PSG2: variants seen among roughly 807,000 people sequenced by gnomAD.
PSG2 encodes pregnancy-specific beta-1-glycoprotein 2.
Under a neutral mutation model 36.2 loss-of-function variants are expected in PSG2, and 49 were observed. The ratio of observed to expected loss-of-function variants is 1.35; its 90% CI spans 1.08 to 1.72. PSG2 has a LOEUF of 1.72. Ranked by LOEUF, PSG2 falls within the 40% of genes most tolerant of loss-of-function variation. The probability of loss-of-function intolerance (pLI) is 0.00; values close to 1 mark genes in which losing one functional copy is unlikely to be tolerated. For missense variants in PSG2, 605 were observed against 407.2 expected, an observed-to-expected ratio of 1.49 and a Z score of -4.18; for synonymous variants, 261 against 155.6, an observed-to-expected ratio of 1.68 and a Z score of -5.04.
intron 4 of PSG2, among the ~76,000 whole-genome samples, chr19:43,070,864 C>G (rs949486247): frequency 6.6e-6 from 1 of 151,580 alleles, no homozygotes; most frequent in Admixed American, 6.6e-5. Context: ...TAGTCTTACC[C>G]TCTCTATAAT....
At chr19:43,076,607 G>A (rs1967899486) in intron 2 of PSG2, among the ~76,000 whole-genome samples, 1 of 151,534 alleles carries the variant, frequency 6.6e-6, no homozygotes, top group African/African-American at 2.4e-5. Flanking sequence ...ACTACCCTAT[G>A]TACCTCATAT....
intron 4 of PSG2, among the ~76,000 whole-genome samples, chr19:43,067,038 G>T (rs540068799): frequency 2.0e-5 from 3 of 151,490 alleles, no homozygotes; most frequent in African/African-American, 7.3e-5. Context: ...CACCTCTTGT[G>T]CACAGAAAGC....
intron 3 of PSG2, among the ~76,000 whole-genome samples, 199 bp from the exon 4 acceptor site, chr19:43,072,153 C>T (rs528588856): frequency 5.9e-5 from 9 of 151,732 alleles, no homozygotes; most frequent in East Asian, 1.9e-4. Context: ...AAGTCTCCCA[C>T]GACAAGACCG....
At position 43,075,523 on chromosome 19, in the gene PSG2, C is replaced by T. The variant is rs1297667827; in HGVS notation, c.540G>A (p.Trp180Ter). ...DPETPDTSYQ[W>*]WMNGQSLPMT... is the part of the protein sequence containing the mutation. Reference sequence around the variant, plus strand: ...TAGGGAGGCTCTGACCATTCATCCACCACTGGTAGCTTGTGTCCGGAGTCT... The same window carrying T: ...TAGGGAGGCTCTGACCATTCATCCATCACTGGTAGCTTGTGTCCGGAGTCT... The change falls in exon 3 of 6, where the codon TGG becomes TGA. Residue 180 changes from tryptophan to a stop codon, truncating the protein, a stop_gained. Coordinates refer to ENST00000406487, the MANE Select transcript of PSG2 (RefSeq NM_031246.4). LOFTEE classifies it high-confidence loss of function. 1.9e-6 allele frequency: 3 copies of T among 1,613,302 alleles called. No homozygotes were observed. The highest frequency in any genetic ancestry group is 2.5e-6 in the Non-Finnish European group (3 of 1,179,762).
At chr19:43,072,820 G>A (rs1042717507) in intron 3 of PSG2, among the ~76,000 whole-genome samples, 10 of 151,748 alleles carry the variant, frequency 6.6e-5, no homozygotes, top group South Asian at 2.1e-4. Context: ...CGCCTGCTCT[G>A]TCTTAGGAAA....
At chr19:43,072,050 C>A (rs916325576) in intron 3 of PSG2, 96 bp from the exon 4 acceptor site, 6 of 1,504,258 alleles carry the variant, frequency 4.0e-6, no homozygotes, top group Admixed American at 1.9e-5. Flanking sequence ...TGAGACAAGA[C>A]ACATCCTCAA....
In PSG2 at chr19:43,066,560, T is replaced by A; in HGVS notation, c.1005A>T (p.Thr335=). 6.3e-7 allele frequency: 1 copy of A among 1,597,714 alleles called. No individual in the cohort carries two copies. The highest frequency in any genetic ancestry group is 2.2e-5 in the East Asian group (1 of 44,784). ...RIGLLPLLNP[T] is the part of the protein sequence containing the mutation. ...TACAGAAATGACATCACAGCTGCTA[T>A]GTTGGATTAAGGAGAGGAAGAAGTC... The change falls in exon 5 of 6, where the codon ACA becomes ACT. Residue 335 remains threonine, a synonymous_variant. Transcript: ENST00000406487.
At chr19:43,081,549 C>G (rs1346377969) in intron 1 of PSG2, among the ~76,000 whole-genome samples, 1 of 148,898 alleles carries the variant, frequency 6.7e-6, no homozygotes, top group Admixed American at 6.8e-5. Context: ...CCGCATGACC[C>G]CATCAGGTCC....
chr19:43,076,320 C>G (rs145193048), intron 2 of PSG2, among the ~76,000 whole-genome samples: 2 of 151,688 alleles, frequency 1.3e-5, no homozygotes, highest in Non-Finnish European at 2.9e-5. Context: ...AGGGGACAGG[C>G]AAGAGCTGAT....
In PSG2 at chr19:43,080,815, C is replaced by A. The variant is rs907424734; in HGVS notation, c.430+66G>T. ...ACAGGCACAGTCTAGGCCTGACAAT[C>A]CTGTGTGTGTGAAGTAGAAATGACC... On this transcript the variant is annotated intron_variant, in intron 2 of 5. Transcript: ENST00000406487. 5.6e-6 allele frequency: 9 copies of A among 1,611,770 alleles called. No individual in the cohort carries two copies. In the African/African-American group the frequency reaches 9.4e-5, roughly 17 times the overall value.
chr19:43,066,374 T>C, intron 5 of PSG2, 143 bp downstream of exon 5: 4 of 672,590 alleles, frequency 5.9e-6, no homozygotes, highest in Non-Finnish European at 1.1e-5. Context: ...GAAAGGGAAC[T>C]GCAGGAATTA....
At chr19:43,071,067 A>G (rs1967808361) in intron 4 of PSG2, among the ~76,000 whole-genome samples, 1 of 151,292 alleles carries the variant, frequency 6.6e-6, no homozygotes, top group African/African-American at 2.4e-5. Flanking sequence ...TTCTCTTCTC[A>G]TTTCCCTGCA....
intron 1 of PSG2, 133 bp downstream of exon 1, chr19:43,082,373 C>G: frequency 7.2e-7 from 1 of 1,396,938 alleles, no homozygotes; most frequent in Non-Finnish European, 1.0e-6. Flanking sequence ...AACTCCTGAT[C>G]TCGTGATCCA....
At chr19:43,076,091 G>C (rs1293775142) in intron 2 of PSG2, among the ~76,000 whole-genome samples, 1 of 151,710 alleles carries the variant, frequency 6.6e-6, no homozygotes, top group Non-Finnish European at 1.5e-5. Context: ...ACTTCCCATT[G>C]TCTTTAAACC....
In PSG2 at chr19:43,068,769, C is replaced by T. The variant is rs144917726; in HGVS notation, c.965-2169G>A. ...AACCCAATGGTAACATCATACTTAA[C>T]GGAGAAAGACTGAAAGCTTTCCCTG... On this transcript the variant is annotated intron_variant, in intron 4 of 5. Transcript: ENST00000406487. Among the ~76,000 whole-genome samples the T allele has an allele frequency of 8.2e-4, 125 of 151,704 alleles. 1 individual carries two copies. The highest frequency in any genetic ancestry group is 2.9e-3 in the African/African-American group (120 of 41,166).
chr19:43,074,495 T>C (rs1194363745), intron 3 of PSG2, among the ~76,000 whole-genome samples: 1 of 151,768 alleles, frequency 6.6e-6, no homozygotes, highest in African/African-American at 2.4e-5. Context: ...TCCTTTCAGA[T>C]TGTTCATTGT....
chr19:43,082,630 G>C lies in PSG2; in HGVS notation c.-61C>G. On this transcript the variant is annotated 5_prime_UTR_variant, in exon 1 of 6. Transcript: ENST00000406487. ...TGAGCCTAGGATCCAGAAACTTCCT[G>C]AGCACGGCTGTCAGCTGTGCTGTCC... 1 of 1,593,076 alleles carries C rather than the reference G, an allele frequency of 6.3e-7. No individual in the cohort carries two copies. Among genetic ancestry groups the C allele is most frequent in the Non-Finnish European group, 8.6e-7 (1 of 1,164,916 alleles).
intron 5 of PSG2, among the ~76,000 whole-genome samples, chr19:43,064,977 G>A (rs1184222631): frequency 7.9e-5 from 12 of 151,620 alleles, no homozygotes; most frequent in Non-Finnish European, 1.6e-4. Flanking sequence ...GACTACAGGT[G>A]CCTGCCACCA....
At chr19:43,075,726 G>A (rs1364446017) in intron 2 of PSG2, 94 bp from the exon 3 acceptor site, 50 of 1,533,618 alleles carry the variant, frequency 3.3e-5, no homozygotes, top group African/African-American at 2.8e-5. Flanking sequence ...CCACCTCTCA[G>A]CCCACCCAAG....
Sources: allele counts gnomAD v4.1 joint callset (sites outside exome capture counted in the v4.1 genomes callset), GRCh38; gene constraint gnomAD v4.1.1; transcripts MANE v1.5; gene names NCBI Gene and HGNC (gene_info 2026-07-23, HGNC 2026-07-21).